The following FGF12 variants were observed in gnomAD, a reference collection of about 807,000 sequenced individuals.
FGF12 encodes fibroblast growth factor 12.
In FGF12, 14 loss-of-function variants were observed where a neutral mutation model predicts 23.6. That is an observed-to-expected ratio of 0.59 (90% confidence interval 0.39 to 0.93). FGF12 has a LOEUF of 0.93. FGF12 is among the 40% of genes least tolerant of loss of function. The pLI is 0.00. For missense variants in FGF12, 175 were observed against 217.8 expected, an observed-to-expected ratio of 0.80 and a Z score of 1.24; for synonymous variants, 62 against 77.3, an observed-to-expected ratio of 0.80 and a Z score of 1.04.
chr3:192,305,473 C>T (rs929704390), intron 4 of FGF12, among the ~76,000 whole-genome samples: 11 of 151,948 alleles, frequency 7.2e-5, no homozygotes, highest in East Asian at 5.8e-4. Context: ...AGATTCTACA[C>T]GTCAGTTTGC....
At position 192,192,213 on chromosome 3, in the gene FGF12, T is replaced by G. The variant is rs138601916; in HGVS notation, c.229-21557A>C. Among the ~76,000 whole-genome samples the G allele has an allele frequency of 7.7e-3, 1,174 of 152,246 alleles. 14 individuals carry two copies. Among genetic ancestry groups the G allele is most frequent in the African/African-American group, 0.027 (1,121 of 41,574 alleles). ...GAGAAATAATAAAATTATTACTAGC[T>G]TCATACTTTTCTTACAAGTTGATCA... On this transcript the variant is annotated intron_variant, in intron 4 of 5. Transcript: ENST00000445105.
chr3:192,566,912 C>A (rs1013992147), intron 2 of FGF12, among the ~76,000 whole-genome samples: 3 of 152,158 alleles, frequency 2.0e-5, no homozygotes, highest in South Asian at 4.1e-4. Context: ...CAAGAGCCGG[C>A]GGCCTAGAGG....
intron 2 of FGF12, among the ~76,000 whole-genome samples, chr3:192,458,947 T>C (rs1204704849): frequency 1.3e-5 from 2 of 152,180 alleles, no homozygotes; most frequent in African/African-American, 4.8e-5. Context: ...CAGTAGTGAA[T>C]AAGTCTAACG....
At chr3:192,317,326 C>A (rs569078490) in intron 4 of FGF12, among the ~76,000 whole-genome samples, 3 of 151,990 alleles carry the variant, frequency 2.0e-5, no homozygotes, top group South Asian at 4.2e-4. Context: ...ATTTCTGGAC[C>A]AGTCCTGGGG....
chr3:192,344,649 G>A (rs986767880), intron 3 of FGF12, among the ~76,000 whole-genome samples: 1 of 152,046 alleles, frequency 6.6e-6, no homozygotes, highest in African/African-American at 2.4e-5. Context: ...ATACACTGTG[G>A]GTTTTCAGCA....
intron 2 of FGF12, among the ~76,000 whole-genome samples, chr3:192,488,964 C>T (rs576956661): frequency 2.2e-4 from 33 of 152,092 alleles, no homozygotes; most frequent in African/African-American, 7.7e-4. Context: ...CAAATTGGGG[C>T]TATTTTGGAT....
chr3:192,266,148 G>A (rs1713065345), intron 4 of FGF12, among the ~76,000 whole-genome samples: 1 of 152,100 alleles, frequency 6.6e-6, no homozygotes, highest in Non-Finnish European at 1.5e-5. Context: ...AATCTTCTCT[G>A]ACTGCTCAGG....
chr3:192,274,291 T>C (rs1365904638), intron 4 of FGF12, among the ~76,000 whole-genome samples: 1 of 152,188 alleles, frequency 6.6e-6, no homozygotes, highest in African/African-American at 2.4e-5. Flanking sequence ...TATGCACACT[T>C]ACCAAAATAT....
intron 4 of FGF12, chr3:192,238,211 G>A (rs1233211378): frequency 6.6e-6 from 1 of 152,470 alleles, no homozygotes; most frequent in Non-Finnish European, 1.5e-5. Flanking sequence ...GAGGTGCTGA[G>A]GTGTTCCCAG....
At chr3:192,173,398 C>T (rs1413156912) in intron 4 of FGF12, among the ~76,000 whole-genome samples, 2 of 150,604 alleles carry the variant, frequency 1.3e-5, no homozygotes, top group Non-Finnish European at 3.0e-5. Flanking sequence ...ATATGATAAC[C>T]CATGTGAAGG....
Position 192,501,670 on chromosome 3 carries a change from G to A in FGF12, c.14-141132C>T, listed in dbSNP as rs191907279. Among the ~76,000 whole-genome samples the A allele has an allele frequency of 1.3e-3, 195 of 152,276 alleles. 1 individual carries two copies. Among genetic ancestry groups the A allele is most frequent in the African/African-American group, 4.5e-3 (186 of 41,546 alleles). ...ACGCACACAATGACAGCAGCCAACC[G>A]TAATTGCCAGAGAAGATAACCTACA... On this transcript the variant is annotated intron_variant, in intron 2 of 5. Coordinates refer to ENST00000445105, the MANE Select transcript of FGF12 (RefSeq NM_004113.6).
chr3:192,679,003 C>A (rs988357480), intron 2 of FGF12, among the ~76,000 whole-genome samples: 4 of 152,080 alleles, frequency 2.6e-5, no homozygotes, highest in African/African-American at 9.7e-5. Context: ...TAAGTAGTTC[C>A]CTGGTGAGGT....
intron 2 of FGF12, among the ~76,000 whole-genome samples, chr3:192,477,203 G>T (rs73070243): frequency 0.031 from 4,643 of 152,226 alleles, 251 homozygotes; most frequent in African/African-American, 0.11. Flanking sequence ...ACTTCACAGG[G>T]AAGAAACTAG....
intron 4 of FGF12, chr3:192,245,126 C>T (rs1424622546): frequency 2.0e-5 from 3 of 152,062 alleles, no homozygotes; most frequent in African/African-American, 7.2e-5. Context: ...AGCAGGAACT[C>T]GTTTTGTCAT....
At chr3:192,471,131 T>C (rs1723161782) in intron 2 of FGF12, among the ~76,000 whole-genome samples, 1 of 152,202 alleles carries the variant, frequency 6.6e-6, no homozygotes, top group Non-Finnish European at 1.5e-5. Flanking sequence ...TTACCAGTAC[T>C]AGGAACGGTG....
intron 2 of FGF12, among the ~76,000 whole-genome samples, chr3:192,622,895 C>T (rs545233171): frequency 1.3e-5 from 2 of 152,248 alleles, no homozygotes; most frequent in Admixed American, 6.5e-5. Context: ...GGCGTCTTCT[C>T]TCCTAGATCC....
intron 2 of FGF12, among the ~76,000 whole-genome samples, chr3:192,647,713 A>G (rs999651730): frequency 7.2e-6 from 1 of 139,650 alleles, no homozygotes; most frequent in Admixed American, 7.0e-5. Flanking sequence ...GTATATATAC[A>G]TATATATATA....
intron 2 of FGF12, among the ~76,000 whole-genome samples, chr3:192,690,586 C>CA (rs35837229): frequency 0.031 from 2,880 of 92,060 alleles, 43 homozygotes; most frequent in Non-Finnish European, 0.041. Flanking sequence ...CACAACACTA[C>CA]AAAAAAAAAA....
intron 2 of FGF12, among the ~76,000 whole-genome samples, chr3:192,627,145 G>A (rs1371391937): frequency 6.6e-6 from 1 of 152,094 alleles, no homozygotes; most frequent in African/African-American, 2.4e-5. Context: ...AGTCCATAGA[G>A]AGGTTTAGCA....
Sources: allele counts gnomAD v4.1 joint callset (sites outside exome capture counted in the v4.1 genomes callset), GRCh38; gene constraint gnomAD v4.1.1; transcripts MANE v1.5; gene names NCBI Gene and HGNC (gene_info 2026-07-23, HGNC 2026-07-21).